RBM33: variants seen among roughly 807,000 people sequenced by gnomAD.
RBM33 encodes RNA binding motif protein 33, also known as RNA-binding protein 33.
Under a neutral mutation model 132.6 loss-of-function variants are expected in RBM33, and 28 were observed. That is an observed-to-expected ratio of 0.21 (90% confidence interval 0.16 to 0.29). The LOEUF (loss-of-function observed/expected upper bound fraction) is 0.29. Ranked by LOEUF, RBM33 falls within the 10% of genes least tolerant of loss-of-function variation. The pLI is 1.00. For missense variants in RBM33, 1,291 were observed against 1,518.5 expected, an observed-to-expected ratio of 0.85 and a Z score of 2.49; for synonymous variants, 634 against 593.0, an observed-to-expected ratio of 1.07 and a Z score of -1.01.
chr7:155,739,111 G>GT, intron 11 of RBM33: 1 of 145,746 alleles, frequency 6.9e-6, no homozygotes, highest in South Asian at 2.1e-4. Flanking sequence ...AAGATAAAAT[G>GT]TTTTTAAGAA....
At chr7:155,759,258 T>C (rs56408162) in intron 14 of RBM33, among the ~76,000 whole-genome samples, 9,847 of 152,204 alleles carry the variant, frequency 0.065, 487 homozygotes, top group African/African-American at 0.14. Flanking sequence ...AAATAAACTT[T>C]CCTTCAATGG....
chr7:155,723,735 T>TA (rs1439635458), intron 9 of RBM33, among the ~76,000 whole-genome samples: 2 of 152,178 alleles, frequency 1.3e-5, no homozygotes, highest in Non-Finnish European at 2.9e-5. Flanking sequence ...AGGCCAGGGG[T>TA]ACTCCTTGAA....
At chr7:155,699,291 T>A (rs1290983818) in intron 5 of RBM33, among the ~76,000 whole-genome samples, 1 of 152,188 alleles carries the variant, frequency 6.6e-6, no homozygotes, top group Non-Finnish European at 1.5e-5. Context: ...TGGGAGCTTG[T>A]TAGAAATGCA....
At position 155,760,784 on chromosome 7, in the gene RBM33, G is replaced by A. The variant is rs371531058; in HGVS notation, c.2980-3028G>A. Among the ~76,000 whole-genome samples, 35 of 152,222 alleles carry A rather than the reference G, an allele frequency of 2.3e-4. No individual in the cohort carries two copies. In the East Asian group the frequency reaches 6.4e-3, roughly 28 times the overall value. On this transcript the variant is annotated intron_variant, in intron 14 of 17. Coordinates refer to ENST00000401878, the MANE Select transcript of RBM33 (RefSeq NM_053043.3). ...CTGAAAAATTGTGTACTCAGTATAGGCCCTCCCTGCCTGGTGGGATACCTA... is the reference window on the plus strand; with the variant it reads ...CTGAAAAATTGTGTACTCAGTATAGACCCTCCCTGCCTGGTGGGATACCTA...
chr7:155,729,759 AAAT>A (rs1681002015), intron 9 of RBM33, among the ~76,000 whole-genome samples: 1 of 144,906 alleles, frequency 6.9e-6, no homozygotes, highest in Admixed American at 6.9e-5. Flanking sequence ...AAAAAAAAAA[AAAT>A]TCTGTCATAC....
At chr7:155,743,868 C>T (rs1388255840) in intron 13 of RBM33, among the ~76,000 whole-genome samples, 1 of 152,190 alleles carries the variant, frequency 6.6e-6, no homozygotes, top group Non-Finnish European at 1.5e-5. Context: ...TCCCCGATGC[C>T]CATGTCCCTT....
At chr7:155,717,153 A>G (rs1455784034) in intron 8 of RBM33, among the ~76,000 whole-genome samples, 1 of 152,214 alleles carries the variant, frequency 6.6e-6, no homozygotes, top group African/African-American at 2.4e-5. Flanking sequence ...TTCGTTGTCA[A>G]TTCCACCTGA....
Position 155,737,597 on chromosome 7 carries a change from T to A in RBM33, c.1328T>A (p.Leu443His). The A allele has an allele frequency of 6.2e-7, 1 of 1,612,796 alleles. No homozygotes were observed. Among genetic ancestry groups the A allele is most frequent in the Non-Finnish European group, 8.5e-7 (1 of 1,179,406 alleles). The change falls in exon 10 of 18, where the codon CTC becomes CAC. Residue 443 changes from leucine to histidine, a missense_variant. Leu to His is a moderately conservative substitution (Grantham distance 99, BLOSUM62 -3). Coordinates refer to ENST00000401878, the MANE Select transcript of RBM33 (RefSeq NM_053043.3). The part of the protein sequence containing the change: ...VPNSFSQPPR[L>H]PLQDQWRAPP... ...AACAGTTTCAGCCAGCCCCCACGAC[T>A]CCCTCTCCAGGACCAGTGGAGAGCC...
chr7:155,727,521 A>G (rs1361943836), intron 9 of RBM33, among the ~76,000 whole-genome samples: 3 of 152,198 alleles, frequency 2.0e-5, no homozygotes, highest in Non-Finnish European at 4.4e-5. Context: ...TGTGTGCAAA[A>G]CAAAACAGGA....
intron 5 of RBM33, chr7:155,685,037 T>C: frequency 6.5e-7 from 1 of 1,550,144 alleles, no homozygotes; most frequent in Non-Finnish European, 8.7e-7. Flanking sequence ...CCCAGGTTGC[T>C]CCTGCAACTG....
chr7:155,773,905 A>G (rs554808283), intron 16 of RBM33, among the ~76,000 whole-genome samples: 27 of 152,350 alleles, frequency 1.8e-4, no homozygotes, highest in African/African-American at 5.8e-4. Flanking sequence ...CTTTTGGCCA[A>G]TCTTCATAAA....
At chr7:155,762,241 G>T (rs761553905) in intron 14 of RBM33, among the ~76,000 whole-genome samples, 3 of 152,220 alleles carry the variant, frequency 2.0e-5, no homozygotes, top group Non-Finnish European at 4.4e-5. Context: ...TGTGCTGCCT[G>T]TTCCAAACTG....
intron 5 of RBM33, among the ~76,000 whole-genome samples, chr7:155,698,372 A>G (rs939875427): frequency 1.6e-3 from 13 of 8,170 alleles, no homozygotes; most frequent in Non-Finnish European, 3.2e-3. Flanking sequence ...ATCTCAGGGA[A>G]AAAAAAAAAT....
intron 1 of RBM33, among the ~76,000 whole-genome samples, chr7:155,656,948 C>T (rs981603242): frequency 7.3e-5 from 11 of 151,490 alleles, no homozygotes; most frequent in Admixed American, 1.3e-4. Flanking sequence ...AGAATGTAAC[C>T]TACACAGGGT....
At chr7:155,666,432 C>G (rs191342853) in intron 2 of RBM33, among the ~76,000 whole-genome samples, 79 of 152,288 alleles carry the variant, frequency 5.2e-4, no homozygotes, top group African/African-American at 1.7e-3. Flanking sequence ...CTGGAAGCAC[C>G]CTCATGGACT....
Position 155,679,167 on chromosome 7 carries a change from G to A in RBM33, c.248+483G>A, listed in dbSNP as rs186187593. On this transcript the variant is annotated intron_variant, in intron 4 of 17. Coordinates refer to ENST00000401878, the MANE Select transcript of RBM33 (RefSeq NM_053043.3). ...AGCCTGGGAGACAGAGTGAAACGCC[G>A]TCTTAAAAAAAAAAAAACAAAAAAC... 1.4e-3 allele frequency among the ~76,000 whole-genome samples: 216 copies of A among 150,616 alleles called. 4 individuals carry two copies. The highest frequency in any genetic ancestry group is 5.1e-3 in the African/African-American group (204 of 40,340).
At chr7:155,770,915 A>C (rs1467729163) in intron 16 of RBM33, among the ~76,000 whole-genome samples, 1 of 152,156 alleles carries the variant, frequency 6.6e-6, no homozygotes, top group African/African-American at 2.4e-5. Context: ...CTGGGTACAC[A>C]TGTGTGAAGC....
chr7:155,737,569 C>A lies in RBM33; in HGVS notation c.1300C>A (p.Pro434Thr), dbSNP rs759823988. The A allele has an allele frequency of 1.2e-5, 19 of 1,613,110 alleles. No individual in the cohort carries two copies. Among genetic ancestry groups the A allele is most frequent in the Admixed American group, 8.4e-5 (5 of 59,802 alleles). ...TCCACAGCATACACCTGGACCTGTTCCCAACAGTTTCAGCCAGCCCCCACG... is the reference window on the plus strand; with the variant it reads ...TCCACAGCATACACCTGGACCTGTTACCAACAGTTTCAGCCAGCCCCCACG... ...EFPQHTPGPV[P>T]NSFSQPPRLP... Residue 434 changes from proline (P) to threonine (T), a missense_variant, in exon 10 of 18, where the codon CCC becomes ACC. Physicochemically the swap from Pro to Thr is conservative, Grantham distance 38 (BLOSUM62 -1). Coordinates refer to ENST00000401878, the MANE Select transcript of RBM33 (RefSeq NM_053043.3).
chr7:155,693,093 AGT>A (rs1799691775), intron 5 of RBM33, among the ~76,000 whole-genome samples: 1 of 152,202 alleles, frequency 6.6e-6, no homozygotes, highest in African/African-American at 2.4e-5. Context: ...AAAAACAAAA[AGT>A]CTATGTAGTT....
Sources: allele counts gnomAD v4.1 joint callset (sites outside exome capture counted in the v4.1 genomes callset), GRCh38; gene constraint gnomAD v4.1.1; transcripts MANE v1.5; gene names NCBI Gene and HGNC (gene_info 2026-07-23, HGNC 2026-07-21).